The following NODAL variants were observed in gnomAD, a reference collection of about 807,000 sequenced individuals.
NODAL encodes nodal homolog.
In NODAL, 12 loss-of-function variants were observed where a neutral mutation model predicts 34.0. The observed-to-expected ratio is 0.35, with a 90% confidence interval of 0.23 to 0.57. NODAL has a LOEUF of 0.57. NODAL is among the 20% of genes least tolerant of loss of function. The pLI, the probability that NODAL is intolerant of heterozygous loss-of-function variation, is 0.83. For missense variants in NODAL, 390 were observed against 444.2 expected (o/e 0.88, Z 1.10); for synonymous variants, 162 against 186.4 (o/e 0.87, Z 1.07).
chr10:70,446,226 T>C (rs1845485752), upstream of NODAL, among the ~76,000 whole-genome samples: 1 of 152,168 alleles, frequency 6.6e-6, no homozygotes, highest in South Asian at 2.1e-4. Flanking sequence ...CCATCCCAGC[T>C]GGCAAGAGGG....
intron 1 of NODAL, among the ~76,000 whole-genome samples, chr10:70,440,554 CG>C (rs1007076791): frequency 1.3e-5 from 2 of 152,220 alleles, no homozygotes; most frequent in Non-Finnish European, 2.9e-5. Context: ...GTCTGGCCCC[CG>C]CAGGCGGAGG....
At chr10:70,434,664 G>A (rs1275309836) in intron 2 of NODAL, among the ~76,000 whole-genome samples, 1 of 152,126 alleles carries the variant, frequency 6.6e-6, no homozygotes, top group Non-Finnish European at 1.5e-5. Context: ...CACCTGGCTG[G>A]CCTTGTCTAC....
upstream of NODAL, among the ~76,000 whole-genome samples, chr10:70,444,354 G>A (rs1845465643): frequency 6.8e-6 from 1 of 147,542 alleles, no homozygotes; most frequent in Admixed American, 6.7e-5. Context: ...TTTTGAGACA[G>A]GGTTTCACTT....
rs1333287643 is a variant in NODAL, at chr10:70,441,482, C to T, written c.186G>A (p.Gln62=). The change falls in exon 1 of 3, where the codon CAG becomes CAA. Residue 62 remains glutamine (Q), a synonymous_variant. Coordinates refer to ENST00000287139, the MANE Select transcript of NODAL (RefSeq NM_018055.5). ...GCACGCGGCACTGCCTACCTTCTGC[C>T]TGTAGGCTGCGGATGATGTCTGCCC... ...LPRADIIRSL[Q]AEDVAVDGQN... is the part of the protein sequence containing the mutation. The T allele has an allele frequency of 2.5e-6, 4 of 1,583,668 alleles. No homozygotes were observed. Among genetic ancestry groups the T allele is most frequent in the African/African-American group, 2.7e-5 (2 of 74,282 alleles).
At chr10:70,445,560 C>T (rs1413320971), upstream of NODAL, among the ~76,000 whole-genome samples, 1 of 152,210 alleles carries the variant, frequency 6.6e-6, no homozygotes, top group East Asian at 1.9e-4. Flanking sequence ...GCCTGGCCGG[C>T]GCTCACTGTT....
At position 70,433,051 on chromosome 10, in the gene NODAL, G is replaced by C. The variant is rs1420869789; in HGVS notation, c.929C>G (p.Ser310Cys). 2 of 1,614,128 alleles carry C rather than the reference G, an allele frequency of 1.2e-6. No individual in the cohort carries two copies. The highest frequency in any genetic ancestry group is 2.7e-5 in the African/African-American group (2 of 75,014). ...LKRYQPHRVP[S>C]TCCAPVKTKP... ...GGTCTTCACTGGGGCACAACAAGTGGAAGGGACTCGGTGGGGCTGGTAACG... is the reference window on the plus strand; with the variant it reads ...GGTCTTCACTGGGGCACAACAAGTGCAAGGGACTCGGTGGGGCTGGTAACG... Residue 310 changes from serine to cysteine, a missense_variant, in exon 3 of 3, where the codon TCC becomes TGC. Ser to Cys is a moderately radical substitution (Grantham distance 112, BLOSUM62 -1). Coordinates refer to ENST00000287139, the MANE Select transcript of NODAL (RefSeq NM_018055.5).
chr10:70,433,354 T>A (rs971124727), intron 2 of NODAL, among the ~76,000 whole-genome samples: 5 of 148,254 alleles, frequency 3.4e-5, no homozygotes, highest in Admixed American at 6.7e-5. Context: ...TAGTAGCTAT[T>A]TTTTTTTTTA....
chr10:70,441,813 T>C (rs1845436182), upstream of NODAL: 1 of 857,482 alleles, frequency 1.2e-6, no homozygotes, highest in Admixed American at 2.4e-5. Flanking sequence ...AGAGACCTCC[T>C]GCTGGGGATG....
intron 2 of NODAL, among the ~76,000 whole-genome samples, chr10:70,433,555 C>T (rs1236799945): frequency 1.3e-5 from 2 of 152,062 alleles, no homozygotes; most frequent in Non-Finnish European, 2.9e-5. Flanking sequence ...GCTGGGACTA[C>T]AGGTACATGC....
chr10:70,437,595 G>A (rs1313535519), intron 1 of NODAL, among the ~76,000 whole-genome samples: 2 of 152,184 alleles, frequency 1.3e-5, no homozygotes, highest in African/African-American at 2.4e-5. Context: ...AAAAGTTGGG[G>A]TTATTCATTA....
At chr10:70,435,244 C>G (rs747091068) in intron 2 of NODAL, 42 bp downstream of exon 2, 23 of 1,539,906 alleles carry the variant, frequency 1.5e-5, no homozygotes, top group Middle Eastern at 1.7e-4. Context: ...TCCCCCAAGG[C>G]CAGCTTACTG....
intron 1 of NODAL, among the ~76,000 whole-genome samples, chr10:70,439,491 G>T (rs1845400513): frequency 6.6e-6 from 1 of 152,170 alleles, no homozygotes; most frequent in South Asian, 2.1e-4. Flanking sequence ...TGTTTCACAG[G>T]CATTCTCTAA....
At chr10:70,441,797 G>A (rs565353102), upstream of NODAL, 33 of 981,840 alleles carry the variant, frequency 3.4e-5, no homozygotes, top group South Asian at 5.1e-4. Context: ...GGAGGGTGGG[G>A]GGCAGAGAGA....
chr10:70,446,165 C>T (rs1415555552), upstream of NODAL, among the ~76,000 whole-genome samples: 1 of 152,190 alleles, frequency 6.6e-6, no homozygotes, highest in Non-Finnish European at 1.5e-5. Context: ...GTTTCCTCTG[C>T]CCAGACAGAC....
In NODAL at chr10:70,441,612, G is replaced by T. The variant is rs1192993371; in HGVS notation, c.56C>A (p.Ala19Glu). 4.5e-6 allele frequency: 7 copies of T among 1,553,288 alleles called. No homozygotes were observed. In the Admixed American group the frequency reaches 9.8e-5, roughly 22 times the overall value. ...CGCAGTGGCCACCGTCGCAGCACCCGCCTGGAGTAGGGCCCACCAGGCGTG... is the reference window on the plus strand; with the variant it reads ...CGCAGTGGCCACCGTCGCAGCACCCTCCTGGAGTAGGGCCCACCAGGCGTG... Reference protein sequence around the residue: ...LLHAWWALLQAGAATVATALL... With the variant: ...LLHAWWALLQEGAATVATALL... The change falls in exon 1 of 3, where the codon GCG becomes GAG. Residue 19 changes from alanine (A) to glutamate (E), a missense_variant. Transcript: ENST00000287139.
upstream of NODAL, among the ~76,000 whole-genome samples, chr10:70,442,942 G>A (rs568933720): frequency 6.6e-6 from 1 of 152,258 alleles, no homozygotes; most frequent in African/African-American, 2.4e-5. Context: ...AAATGAGCCA[G>A]GCATTTTTGT....
At chr10:70,438,674 T>C (rs1845386180) in intron 1 of NODAL, among the ~76,000 whole-genome samples, 3 of 152,156 alleles carry the variant, frequency 2.0e-5, no homozygotes, top group Admixed American at 2.0e-4. Flanking sequence ...ATGAACAGGA[T>C]GGGCAGTGGG....
chr10:70,434,405 C>T (rs957682187), intron 2 of NODAL, among the ~76,000 whole-genome samples: 1 of 152,206 alleles, frequency 6.6e-6, no homozygotes, highest in Non-Finnish European at 1.5e-5. Flanking sequence ...TCCTGTTGCC[C>T]AGGCTGGAGT....
At chr10:70,433,157 A>C (rs966498332) in intron 2 of NODAL, 69 bp from the exon 3 acceptor site, 1 of 1,579,458 alleles carries the variant, frequency 6.3e-7, no homozygotes, top group African/African-American at 1.3e-5. Flanking sequence ...TTTCTGGGTA[A>C]AGAGTAAAAA....
Sources: gnomAD v4.1 joint callset for allele counts (sites outside exome capture counted in the v4.1 genomes callset) on GRCh38, gnomAD v4.1.1 for gene constraint, MANE v1.5 for transcripts, NCBI Gene and HGNC (gene_info 2026-07-23, HGNC 2026-07-21) for gene names.